SLC4A4: variants seen among roughly 807,000 people sequenced by gnomAD.
SLC4A4 encodes electrogenic sodium bicarbonate cotransporter 1.
In SLC4A4, 27 loss-of-function variants were observed where a neutral mutation model predicts 111.5. The observed-to-expected ratio is 0.24, with a 90% CI of 0.18 to 0.33. The LOEUF (loss-of-function observed/expected upper bound fraction) is 0.33. SLC4A4 is among the 10% of genes least tolerant of loss of function. The pLI is 1.00. For missense variants in SLC4A4, 909 were observed against 1,315.5 expected (o/e 0.69, Z 4.78); for synonymous variants, 443 against 463.4 (o/e 0.96, Z 0.57).
At chr4:71,388,999 G>A (rs1269821465) in intron 6 of SLC4A4, among the ~76,000 whole-genome samples, 1 of 152,168 alleles carries the variant, frequency 6.6e-6, no homozygotes, top group East Asian at 1.9e-4. Context: ...ATATTGAGAT[G>A]TATTAGACCT....
chr4:71,271,169 C>G (rs1449925488), intron 3 of SLC4A4, among the ~76,000 whole-genome samples: 1 of 152,152 alleles, frequency 6.6e-6, no homozygotes, highest in Admixed American at 6.5e-5. Context: ...ATAATAATAC[C>G]TGACCTTTAC....
rs79623661 is a variant in SLC4A4 at position 71,482,813 on chromosome 4, C to G, written c.1904-4135C>G. The stretch of plus-strand genomic sequence containing the variant: ...ACTATCTCATCTTGAATTCTGTGGC[C>G]ACATAAGTCATCTGATTTTGATGGT... On this transcript the variant is annotated intron_variant, in intron 14 of 25. Coordinates refer to ENST00000264485, the MANE Select transcript of SLC4A4 (RefSeq NM_001098484.3). Among the ~76,000 whole-genome samples, 618 of 151,626 alleles carry G rather than the reference C, an allele frequency of 4.1e-3. 3 individuals carry two copies. The highest frequency in any genetic ancestry group is 0.014 in the African/African-American group (597 of 41,440).
chr4:71,127,923 G>A (rs1204164888), intron 2 of SLC4A4, among the ~76,000 whole-genome samples: 1 of 152,178 alleles, frequency 6.6e-6, no homozygotes, highest in Non-Finnish European at 1.5e-5. Flanking sequence ...AGAAGTTTGA[G>A]ACCAGCCTGG....
At chr4:71,495,553 G>A (rs776818956) in intron 15 of SLC4A4, among the ~76,000 whole-genome samples, 12 of 151,984 alleles carry the variant, frequency 7.9e-5, no homozygotes, top group Admixed American at 2.6e-4. Context: ...ATATTTCAGG[G>A]AAAGATATAT....
At chr4:71,444,321 G>C (rs1425788161) in intron 8 of SLC4A4, among the ~76,000 whole-genome samples, 1 of 152,084 alleles carries the variant, frequency 6.6e-6, no homozygotes, top group Non-Finnish European at 1.5e-5. Flanking sequence ...TCTTCCGCAG[G>C]CATAATTAAC....
intron 1 of SLC4A4, among the ~76,000 whole-genome samples, chr4:71,198,732 A>G (rs972866341): frequency 6.6e-6 from 1 of 152,198 alleles, no homozygotes; most frequent in Admixed American, 6.6e-5. Context: ...AGGCTGAGGC[A>G]GGAGGATTGC....
chr4:71,492,287 T>C (rs1730002373), intron 15 of SLC4A4, among the ~76,000 whole-genome samples: 1 of 152,038 alleles, frequency 6.6e-6, no homozygotes, highest in Admixed American at 6.6e-5. Context: ...TCCTGTCTCA[T>C]ATTATCCCTC....
chr4:71,152,761 C>CAAAG (rs1270848022), intron 2 of SLC4A4, among the ~76,000 whole-genome samples: 1 of 151,916 alleles, frequency 6.6e-6, no homozygotes, highest in East Asian at 1.9e-4. Flanking sequence ...GATGGGTCTG[C>CAAAG]CTTTCCCAGC....
intron 7 of SLC4A4, among the ~76,000 whole-genome samples, chr4:71,418,067 A>T (rs527399131): frequency 9.9e-5 from 15 of 152,282 alleles, no homozygotes; most frequent in East Asian, 3.9e-4. Context: ...CAATTTTTTT[A>T]AAAAAATAAT....
chr4:71,249,396 G>A (rs1720902134), intron 2 of SLC4A4, among the ~76,000 whole-genome samples: 1 of 151,958 alleles, frequency 6.6e-6, no homozygotes, highest in South Asian at 2.1e-4. Context: ...CTTGTTCTGA[G>A]TCTGGACCCT....
chr4:71,452,858 CT>C (rs986092303), intron 11 of SLC4A4, among the ~76,000 whole-genome samples: 2 of 152,092 alleles, frequency 1.3e-5, no homozygotes, highest in Non-Finnish European at 2.9e-5. Flanking sequence ...TTTCAACCAC[CT>C]TTTTTCCAGT....
intron 24 of SLC4A4, among the ~76,000 whole-genome samples, chr4:71,564,181 T>C (rs994331757): frequency 5.3e-5 from 8 of 151,778 alleles, no homozygotes; most frequent in African/African-American, 1.7e-4. Flanking sequence ...GATTTTTCTT[T>C]TTTTTTCTGT....
intron 7 of SLC4A4, among the ~76,000 whole-genome samples, chr4:71,402,696 T>G (rs2148987381): frequency 6.6e-6 from 1 of 152,334 alleles, no homozygotes; most frequent in Middle Eastern, 3.4e-3. Context: ...AGGTCCTTAG[T>G]CACTACAGTT....
At chr4:71,504,359 A>C (rs1731200595) in intron 16 of SLC4A4, among the ~76,000 whole-genome samples, 1 of 152,026 alleles carries the variant, frequency 6.6e-6, no homozygotes, top group Non-Finnish European at 1.5e-5. Flanking sequence ...TCAAAAGATG[A>C]CTTCAAGTTC....
At chr4:71,405,743 T>C (rs1383324731) in intron 7 of SLC4A4, among the ~76,000 whole-genome samples, 4 of 152,224 alleles carry the variant, frequency 2.6e-5, no homozygotes, top group Non-Finnish European at 5.9e-5. Context: ...TTATTCTTTA[T>C]GTTTCACTCC....
At chr4:71,318,949 G>C (rs1313632244) in intron 3 of SLC4A4, among the ~76,000 whole-genome samples, 2 of 151,820 alleles carry the variant, frequency 1.3e-5, no homozygotes, top group African/African-American at 2.4e-5. Context: ...GTAGAGAGTG[G>C]CTGGACATAT....
intron 1 of SLC4A4, among the ~76,000 whole-genome samples, chr4:71,067,247 CA>C (rs1265323820): frequency 3.3e-5 from 5 of 151,366 alleles, no homozygotes; most frequent in African/African-American, 1.2e-4. Context: ...CACAGAATCT[CA>C]AAAAGGAAAG....
intron 6 of SLC4A4, among the ~76,000 whole-genome samples, chr4:71,386,769 T>C (rs915160951): frequency 3.3e-5 from 5 of 152,326 alleles, no homozygotes; most frequent in African/African-American, 1.2e-4. Flanking sequence ...CTAAGTGATA[T>C]TTCTTTTTTG....
At chr4:71,322,723 G>A (rs1727211500) in intron 3 of SLC4A4, among the ~76,000 whole-genome samples, 1 of 151,982 alleles carries the variant, frequency 6.6e-6, no homozygotes, top group African/African-American at 2.4e-5. Flanking sequence ...GAAATTAAAA[G>A]TAACTGGAAA....
Sources: allele counts gnomAD v4.1 joint callset (sites outside exome capture counted in the v4.1 genomes callset), GRCh38; gene constraint gnomAD v4.1.1; transcripts MANE v1.5; gene names NCBI Gene and HGNC (gene_info 2026-07-23, HGNC 2026-07-21).